Variants in FAM227B observed in about 807,000 individuals in gnomAD.
The protein encoded by FAM227B is protein FAM227B.
FAM227B carries 88 observed loss-of-function variants against 73.8 expected under a neutral mutation model. The ratio of observed to expected loss-of-function variants is 1.19; its 90% CI spans 1.00 to 1.42. The LOEUF is 1.42. Ranked by LOEUF, FAM227B falls within the 40% of genes most tolerant of loss-of-function variation. FAM227B has a pLI of 0.00. For missense variants in FAM227B, 632 were observed against 590.9 expected, an observed-to-expected ratio of 1.07 and a Z score of -0.72; for synonymous variants, 210 against 190.5, an observed-to-expected ratio of 1.10 and a Z score of -0.84.
intron 11 of FAM227B, among the ~76,000 whole-genome samples, chr15:49,506,715 G>A (rs973696081): frequency 6.6e-6 from 1 of 151,678 alleles, no homozygotes; most frequent in Non-Finnish European, 1.5e-5. Context: ...ACCTACTAAT[G>A]GGTCAAAGTA....
In FAM227B at chr15:49,371,351, G is replaced by T; in HGVS notation, c.1061C>A (p.Thr354Lys). 6.2e-7 allele frequency: 1 copy of T among 1,603,398 alleles called. No individual in the cohort carries two copies. Among genetic ancestry groups the T allele is most frequent in the Non-Finnish European group, 8.5e-7 (1 of 1,172,440 alleles). Residue 354 changes from threonine (T) to lysine (K), a missense_variant, in exon 12 of 16, where the codon ACG becomes AAG. By Grantham distance (78) the Thr-to-Lys change is moderately conservative. Transcript: ENST00000299338. Reference sequence around the variant, plus strand: ...TGATTCTTCCTTGGATATGGGCAACGTATATGCTCTTGGGTTGTTCAGAAT... The same window carrying T: ...TGATTCTTCCTTGGATATGGGCAACTTATATGCTCTTGGGTTGTTCAGAAT... ...IKILNNPRAYTLPISKEESRL... is the reference protein window; with the variant it reads ...IKILNNPRAYKLPISKEESRL...
chr15:49,610,078 T>A (rs2077788732), intron 3 of FAM227B, among the ~76,000 whole-genome samples: 1 of 152,004 alleles, frequency 6.6e-6, no homozygotes, highest in African/African-American at 2.4e-5. Context: ...CTTGATTTGA[T>A]TGGTATCATT....
At chr15:49,399,423 A>T (rs2047954243) in intron 11 of FAM227B, among the ~76,000 whole-genome samples, 1 of 150,874 alleles carries the variant, frequency 6.6e-6, no homozygotes. Flanking sequence ...CAGAGGTACA[A>T]GGAGGAACTG....
chr15:49,523,411 C>T (rs564223617), intron 10 of FAM227B, among the ~76,000 whole-genome samples: 1 of 152,254 alleles, frequency 6.6e-6, no homozygotes, highest in South Asian at 2.1e-4. Context: ...CTGCTGCCAT[C>T]CATGTAAGAA....
intron 3 of FAM227B, among the ~76,000 whole-genome samples, chr15:49,604,514 T>A (rs1375160614): frequency 6.6e-6 from 1 of 152,182 alleles, no homozygotes; most frequent in Admixed American, 6.5e-5. Context: ...TTATAATGTA[T>A]CTTGGGGAAG....
chr15:49,384,709 G>C (rs1032502455), intron 11 of FAM227B, among the ~76,000 whole-genome samples: 1 of 151,298 alleles, frequency 6.6e-6, no homozygotes, highest in Non-Finnish European at 1.5e-5. Flanking sequence ...CTTATAAACT[G>C]TTCTGCTGTG....
At chr15:49,586,028 T>C (rs1458230898) in intron 5 of FAM227B, among the ~76,000 whole-genome samples, 2 of 152,100 alleles carry the variant, frequency 1.3e-5, no homozygotes, top group African/African-American at 4.8e-5. Context: ...GAAAAGGCTC[T>C]TTTTTAAATT....
chr15:49,470,781 G>A (rs1210386230), intron 11 of FAM227B, among the ~76,000 whole-genome samples: 1 of 152,150 alleles, frequency 6.6e-6, no homozygotes, highest in Admixed American at 6.5e-5. Flanking sequence ...ACATTAAGGT[G>A]GTACATTCCA....
chr15:49,536,055 T>C lies in FAM227B; in HGVS notation c.874+5625A>G, dbSNP rs190995694. On this transcript the variant is annotated intron_variant, in intron 10 of 15. Coordinates refer to ENST00000299338, the MANE Select transcript of FAM227B (RefSeq NM_152647.3). ...CTCTTTAACACAGTGCTGGAAGTACTAGCAAGGGCAATCAGACAAAAAAAA... is the reference window on the plus strand; with the variant it reads ...CTCTTTAACACAGTGCTGGAAGTACCAGCAAGGGCAATCAGACAAAAAAAA... Among the ~76,000 whole-genome samples the C allele has an allele frequency of 3.7e-3, 402 of 108,586 alleles. 6 individuals carry two copies. Among genetic ancestry groups the C allele is most frequent in the South Asian group, 0.033 (119 of 3,608 alleles). The allele number at this position is 108,586 out of a possible 152,430, so 71.2% of individuals were successfully genotyped here.
At chr15:49,584,811 A>G (rs1053398628) in intron 5 of FAM227B, among the ~76,000 whole-genome samples, 7 of 152,168 alleles carry the variant, frequency 4.6e-5, no homozygotes, top group African/African-American at 1.7e-4. Flanking sequence ...GGGAGGTGAA[A>G]GATCTCTACA....
intron 10 of FAM227B, among the ~76,000 whole-genome samples, chr15:49,534,884 A>G (rs1425021913): frequency 1.3e-5 from 2 of 151,734 alleles, no homozygotes; most frequent in Non-Finnish European, 3.0e-5. Context: ...TTAAAGAAAA[A>G]TCGGAACAAA....
At chr15:49,602,557 A>G (rs972279932) in intron 3 of FAM227B, among the ~76,000 whole-genome samples, 3 of 152,194 alleles carry the variant, frequency 2.0e-5, no homozygotes, top group Non-Finnish European at 2.9e-5. Context: ...CCCTTATCAG[A>G]TGAGTAATTT....
At chr15:49,402,259 A>G (rs1345250851) in intron 11 of FAM227B, among the ~76,000 whole-genome samples, 3 of 152,196 alleles carry the variant, frequency 2.0e-5, no homozygotes, top group Non-Finnish European at 4.4e-5. Flanking sequence ...TTGTTTTTGC[A>G]GAGAAAGGGC....
intron 11 of FAM227B, among the ~76,000 whole-genome samples, chr15:49,422,120 T>TAG (rs3075167): frequency 0.026 from 3,444 of 134,474 alleles, 46 homozygotes; most frequent in Middle Eastern, 0.11. Flanking sequence ...GCATTTCACA[T>TAG]AGAGAGAGAG....
At chr15:49,355,874 A>G (rs1006761698) in intron 13 of FAM227B, among the ~76,000 whole-genome samples, 1 of 152,234 alleles carries the variant, frequency 6.6e-6, no homozygotes, top group African/African-American at 2.4e-5. Flanking sequence ...GAAGCCCATC[A>G]GACTAACAGT....
intron 3 of FAM227B, among the ~76,000 whole-genome samples, chr15:49,600,944 A>T (rs2153304699): frequency 6.7e-6 from 1 of 149,844 alleles, no homozygotes; most frequent in Non-Finnish European, 1.5e-5. Context: ...CCGGAGGCTG[A>T]AGCAGGAGAA....
At chr15:49,497,500 A>C (rs1182552710) in intron 11 of FAM227B, among the ~76,000 whole-genome samples, 1 of 152,198 alleles carries the variant, frequency 6.6e-6, no homozygotes, top group Non-Finnish European at 1.5e-5. Context: ...GCCATCAAGG[A>C]CAAAATCAAT....
At chr15:49,393,763 A>G (rs2047376484) in intron 11 of FAM227B, among the ~76,000 whole-genome samples, 1 of 152,164 alleles carries the variant, frequency 6.6e-6, no homozygotes, top group Admixed American at 6.5e-5. Flanking sequence ...TAATCAAATC[A>G]ATCACACCAA....
In FAM227B at chr15:49,329,416, A is replaced by C. The variant is rs566823136; in HGVS notation, c.1420-741T>G. ...GTTTTATGGCATGAATTATCCAAAA[A>C]AATATCAGAATTACTTATTATTCTG... On this transcript the variant is annotated intron_variant, in intron 15 of 15. Coordinates refer to ENST00000299338, the MANE Select transcript of FAM227B (RefSeq NM_152647.3). The C allele has an allele frequency of 1.9e-3, 1,869 of 985,132 alleles. 4 individuals are homozygous for C. Among genetic ancestry groups the C allele is most frequent in the Middle Eastern group, 8.4e-3 (16 of 1,914 alleles). The allele number at this position is 985,132 out of a possible 1,614,324, so 61.0% of individuals were successfully genotyped here.
Sources: allele counts gnomAD v4.1 joint callset (sites outside exome capture counted in the v4.1 genomes callset), GRCh38; gene constraint gnomAD v4.1.1; transcripts MANE v1.5; gene names NCBI Gene and HGNC (gene_info 2026-07-23, HGNC 2026-07-21).